Variants in SORCS3 observed in about 807,000 individuals in gnomAD.
SORCS3 encodes the protein sortilin related VPS10 domain containing receptor 3.
In SORCS3, 57 loss-of-function variants were observed where a neutral mutation model predicts 146.3. The observed-to-expected ratio is 0.39, with a 90% CI of 0.31 to 0.49. SORCS3 has a LOEUF of 0.49. Among genes scored for constraint, SORCS3 ranks in the 20% least tolerant of loss-of-function variants. The probability of loss-of-function intolerance (pLI) is 0.92; values close to 1 mark genes in which losing one functional copy is unlikely to be tolerated. For synonymous variants in SORCS3, 653 were observed against 618.5 expected (o/e 1.06, Z -0.83); for missense variants, 1,341 against 1,575.5 (o/e 0.85, Z 2.52).
chr10:105,204,327 C>T (rs192954306), intron 16 of SORCS3, among the ~76,000 whole-genome samples: 1 of 152,198 alleles, frequency 6.6e-6, no homozygotes, highest in East Asian at 1.9e-4. Context: ...AGAAATCAAA[C>T]AAGTCTTTAT....
At position 104,976,127 on chromosome 10, in the gene SORCS3, C is replaced by T. The variant is rs565932527; in HGVS notation, c.796-1208C>T. Reference sequence around the variant, plus strand: ...CTACCATCAGAGTGAACAGGCAACCCACACAATGGGAGAAAATTTTCGCAT... The same window carrying T: ...CTACCATCAGAGTGAACAGGCAACCTACACAATGGGAGAAAATTTTCGCAT... On this transcript the variant is annotated intron_variant, in intron 3 of 26. Transcript: ENST00000369701. Among the ~76,000 whole-genome samples, 1,057 of 152,198 alleles carry T rather than the reference C, an allele frequency of 6.9e-3. 10 individuals are homozygous for T. Among genetic ancestry groups the T allele is most frequent in the African/African-American group, 0.024 (1,013 of 41,528 alleles).
At chr10:104,676,889 C>T (rs1193101553) in intron 1 of SORCS3, among the ~76,000 whole-genome samples, 2 of 152,150 alleles carry the variant, frequency 1.3e-5, no homozygotes, top group East Asian at 3.8e-4. Flanking sequence ...TGTGTGCCTT[C>T]TCTCCACTTC....
chr10:104,788,850 G>A (rs546091054), intron 1 of SORCS3, among the ~76,000 whole-genome samples: 2 of 152,216 alleles, frequency 1.3e-5, no homozygotes, highest in East Asian at 1.9e-4. Context: ...AGAACCTGTC[G>A]GCTGAGGTAC....
chr10:104,889,814 A>G (rs1217846705), intron 2 of SORCS3, among the ~76,000 whole-genome samples: 1 of 152,188 alleles, frequency 6.6e-6, no homozygotes, highest in East Asian at 1.9e-4. Context: ...TGTTTTGCGT[A>G]GATACATATT....
intron 1 of SORCS3, among the ~76,000 whole-genome samples, chr10:104,678,497 T>C (rs750409334): frequency 2.0e-5 from 3 of 152,194 alleles, no homozygotes; most frequent in Non-Finnish European, 4.4e-5. Flanking sequence ...TAAAAGACAC[T>C]GGCCAGTGCT....
chr10:104,897,208 T>C (rs970849991), intron 2 of SORCS3, among the ~76,000 whole-genome samples: 1 of 152,212 alleles, frequency 6.6e-6, no homozygotes, highest in African/African-American at 2.4e-5. Flanking sequence ...AAGGTAACAG[T>C]CTGTGGGCCT....
rs781552862 is a variant in SORCS3, at chr10:105,263,378, C to T, written c.*4C>T. 3.7e-6 allele frequency: 6 copies of T among 1,613,684 alleles called. No individual in the cohort carries two copies. In the African/African-American group the frequency reaches 8.0e-5, roughly 22 times the overall value. On this transcript the variant is annotated 3_prime_UTR_variant, in exon 27 of 27. Transcript: ENST00000369701. The stretch of plus-strand genomic sequence containing the variant: ...CCCCAACTGCACTAGTGTTTAATAC[C>T]AGCAAGCCACGTGGTCAACCACCTT...
chr10:104,642,053 A>T, intron 1 of SORCS3, 99 bp downstream of exon 1: 1 of 1,365,968 alleles, frequency 7.3e-7, no homozygotes, highest in Non-Finnish European at 9.7e-7. Context: ...TCGGGGGTCG[A>T]GGCGGGGGAC....
At chr10:104,922,075 C>T (rs955555103) in intron 3 of SORCS3, among the ~76,000 whole-genome samples, 1 of 152,268 alleles carries the variant, frequency 6.6e-6, no homozygotes, top group Non-Finnish European at 1.5e-5. Flanking sequence ...CGTGTGTGGT[C>T]GGAGGCTGGT....
intron 5 of SORCS3, among the ~76,000 whole-genome samples, chr10:105,062,240 C>T (rs1322710983): frequency 2.0e-5 from 3 of 152,262 alleles, no homozygotes; most frequent in Admixed American, 6.5e-5. Flanking sequence ...TTTTAAGAAG[C>T]ATGCAGGTGG....
intron 1 of SORCS3, among the ~76,000 whole-genome samples, chr10:104,661,661 T>C (rs2015702342): frequency 1.3e-5 from 2 of 151,442 alleles, no homozygotes; most frequent in Admixed American, 6.6e-5. Context: ...TAAGGTAGTA[T>C]GATTTGGGAA....
intron 13 of SORCS3, among the ~76,000 whole-genome samples, chr10:105,173,091 A>T (rs964786470): frequency 6.6e-6 from 1 of 152,174 alleles, no homozygotes; most frequent in African/African-American, 2.4e-5. Context: ...TAACAATATT[A>T]CAGTATGGAA....
intron 9 of SORCS3, among the ~76,000 whole-genome samples, chr10:105,153,844 G>A (rs2056185841): frequency 6.6e-6 from 1 of 151,984 alleles, no homozygotes; most frequent in Non-Finnish European, 1.5e-5. Context: ...ACCCAGGCGG[G>A]CGAATCATGA....
chr10:105,120,622 A>G (rs1357722021), intron 7 of SORCS3, among the ~76,000 whole-genome samples: 1 of 152,174 alleles, frequency 6.6e-6, no homozygotes, highest in Non-Finnish European at 1.5e-5. Flanking sequence ...TTTCTTCCCA[A>G]GAGATCTAAT....
intron 20 of SORCS3, among the ~76,000 whole-genome samples, chr10:105,242,892 T>C (rs1467924582): frequency 9.8e-6 from 1 of 102,110 alleles, no homozygotes. Flanking sequence ...ATATATAATA[T>C]ATGATATATA....
chr10:105,218,791 C>T (rs1280891130), intron 19 of SORCS3, among the ~76,000 whole-genome samples: 3 of 152,170 alleles, frequency 2.0e-5, no homozygotes, highest in Admixed American at 2.0e-4. Context: ...CCAAGGCAGG[C>T]AGATCACAGG....
chr10:105,077,454 A>G (rs892207095), intron 5 of SORCS3, among the ~76,000 whole-genome samples: 12 of 151,840 alleles, frequency 7.9e-5, no homozygotes, highest in Non-Finnish European at 1.3e-4. Context: ...GATCGTGCAT[A>G]TTCTGAGCAA....
intron 1 of SORCS3, among the ~76,000 whole-genome samples, chr10:104,803,498 T>C (rs2017647481): frequency 6.6e-6 from 1 of 152,214 alleles, no homozygotes; most frequent in South Asian, 2.1e-4. Context: ...ACCTTGATTT[T>C]ACCTGTATTA....
intron 7 of SORCS3, among the ~76,000 whole-genome samples, chr10:105,124,366 C>A (rs939186401): frequency 1.3e-4 from 20 of 152,178 alleles, no homozygotes; most frequent in African/African-American, 4.6e-4. Context: ...TGAGCAAGAA[C>A]CTAGAACTGT....
Sources: gnomAD v4.1 joint callset for allele counts (sites outside exome capture counted in the v4.1 genomes callset) on GRCh38, gnomAD v4.1.1 for gene constraint, MANE v1.5 for transcripts, NCBI Gene and HGNC (gene_info 2026-07-23, HGNC 2026-07-21) for gene names.